The following INSRR variants were observed in gnomAD, a reference collection of about 807,000 sequenced individuals.
INSRR encodes insulin receptor related receptor, also known as insulin receptor-related protein.
A neutral mutation model predicts 130.0 loss-of-function variants in INSRR; 114 were observed. That is an observed-to-expected ratio of 0.88 (90% CI 0.75 to 1.02). INSRR has a LOEUF of 1.02. Ranked by LOEUF, INSRR falls within the 50% of genes least tolerant of loss-of-function variation. INSRR has a pLI of 0.00. For synonymous variants in INSRR, 674 were observed against 705.2 expected (o/e 0.96, Z 0.70); for missense variants, 1,657 against 1,735.2 (o/e 0.95, Z 0.80).
At position 156,845,669 on chromosome 1, in the gene INSRR, C is replaced by A. The variant is rs769385537; in HGVS notation, c.2124G>T (p.Ser708=). 1 of 1,610,578 alleles carries A rather than the reference C, an allele frequency of 6.2e-7. No homozygotes were observed. The highest frequency in any genetic ancestry group is 8.5e-7 in the Non-Finnish European group (1 of 1,178,954). ...GAAAGTTTTCAAACTTCTTCTGGAA[C>A]GAGGCCTCTTGCGCCTCCAGCGGGG... is the stretch of plus-strand genomic sequence containing the variant. ...VLPPLEAQEA[S]FQKKFENFLH... is the part of the protein sequence containing the mutation. The change falls in exon 10 of 22, where the codon TCG becomes TCT. Residue 708 remains serine (S), a synonymous_variant. Transcript: ENST00000368195.
Position 156,841,760 on chromosome 1 carries a change from G to A in INSRR, c.3432C>T (p.Asp1144=), listed in dbSNP as rs1390337736. The A allele has an allele frequency of 6.2e-7, 1 of 1,614,168 alleles. No homozygotes were observed. The highest frequency in any genetic ancestry group is 8.5e-7 in the Non-Finnish European group (1 of 1,180,018). Residue 1144 remains aspartate (D), a synonymous_variant, in exon 20 of 22, where the codon GAC becomes GAT. Transcript: ENST00000368195. ...FGMTRDVYET[D]YYRKGGKGLL... ...GCCCCTTCCCACCCTTGCGGTAATA[G>A]TCTGTCTCATACACGTCCCGAGTCA...
intron 12 of INSRR, 80 bp downstream of exon 12, chr1:156,844,996 G>A (rs762338844): frequency 9.3e-5 from 142 of 1,528,150 alleles, no homozygotes; most frequent in Non-Finnish European, 1.2e-4. Flanking sequence ...TGGGGTTAGC[G>A]AGAAGTCAAA....
At chr1:156,848,376 A>T (rs1258201712) in intron 7 of INSRR, among the ~76,000 whole-genome samples, 3 of 152,028 alleles carry the variant, frequency 2.0e-5, no homozygotes, top group Non-Finnish European at 2.9e-5. Flanking sequence ...CCCTCCTCTA[A>T]GGATATCTCC....
At chr1:156,847,211 AC>A (rs1362068972) in intron 7 of INSRR, among the ~76,000 whole-genome samples, 1 of 152,184 alleles carries the variant, frequency 6.6e-6, no homozygotes, top group Non-Finnish European at 1.5e-5. Context: ...AGCCTCCCAA[AC>A]TATAGCAAAG....
intron 1 of INSRR, among the ~76,000 whole-genome samples, chr1:156,857,910 T>C (rs1359162139): frequency 6.6e-6 from 1 of 152,164 alleles, no homozygotes; most frequent in African/African-American, 2.4e-5. Flanking sequence ...ATTTAGTCTA[T>C]ATAGTCCCCC....
At position 156,846,012 on chromosome 1, in the gene INSRR, C is replaced by T. The variant is rs573068016; in HGVS notation, c.1918G>A (p.Val640Met). The T allele has an allele frequency of 1.2e-6, 2 of 1,614,094 alleles. No homozygotes were observed. Among genetic ancestry groups the T allele is most frequent in the East Asian group, 4.5e-5 (2 of 44,860 alleles). ...TCCTCTGCCAGCCGCTGCCACAGCACCAGGTAGTAGGTGAGGTTCCCATTG... is the reference window on the plus strand; with the variant it reads ...TCCTCTGCCAGCCGCTGCCACAGCATCAGGTAGTAGGTGAGGTTCCCATTG... ...QRNGNLTYYL[V>M]LWQRLAEDGD... Residue 640 changes from valine (V) to methionine (M), a missense_variant, in exon 9 of 22, where the codon GTG (valine) becomes ATG (methionine). Transcript: ENST00000368195.
chr1:156,843,190 C>G lies in INSRR; in HGVS notation c.2940G>C (p.Ser980=), dbSNP rs761571325. Residue 980 remains serine, a synonymous_variant, in exon 17 of 22, where the codon TCG becomes TCC. Transcript: ENST00000368195. ...DEWEVPREQI[S]IIRELGQGSF... ...AGCCCTGGCCCAGTTCCCGGATTATCGAGATCTGCTCCCGAGGCACCTCCC... is the reference window on the plus strand; with the variant it reads ...AGCCCTGGCCCAGTTCCCGGATTATGGAGATCTGCTCCCGAGGCACCTCCC... 3.1e-6 allele frequency: 5 copies of G among 1,613,998 alleles called. No individual in the cohort carries two copies. In the African/African-American group the frequency reaches 5.3e-5, roughly 17 times the overall value.
At chr1:156,843,598 T>G in intron 15 of INSRR, 119 bp from the exon 16 acceptor site, 2 of 1,059,990 alleles carry the variant, frequency 1.9e-6, no homozygotes, top group Non-Finnish European at 2.9e-6. Context: ...ACCCCCAGCC[T>G]TGGTCAGGGT....
chr1:156,856,903 C>T lies in INSRR; in HGVS notation c.85+1634G>A, dbSNP rs114546158. Among the ~76,000 whole-genome samples, 1,284 of 152,272 alleles carry T rather than the reference C, an allele frequency of 8.4e-3. 24 individuals are homozygous for T. The highest frequency in any genetic ancestry group is 0.03 in the African/African-American group (1,233 of 41,558). On this transcript the variant is annotated intron_variant, in intron 1 of 21. Coordinates refer to ENST00000368195, the MANE Select transcript of INSRR (RefSeq NM_014215.3). ...CTCCCAAGAGGACCTTCCGTGGCTCCCCACTGCAGAAGATTCAAGTCTGAA... is the reference window on the plus strand; with the variant it reads ...CTCCCAAGAGGACCTTCCGTGGCTCTCCACTGCAGAAGATTCAAGTCTGAA...
At position 156,851,716 on chromosome 1, in the gene INSRR, G is replaced by A. The variant is rs778388141; in HGVS notation, c.1014C>T (p.Ile338=). ...AGCCCACAAGATCCTGTGCCGCCTG[G>A]ATGGAGTCGATGGTCTTGGTGCCTA... is the stretch of plus-strand genomic sequence containing the variant. ...CKVGTKTIDS[I]QAAQDLVGCT... The change falls in exon 4 of 22, where the codon ATC becomes ATT. Residue 338 remains isoleucine (I), a synonymous_variant. Transcript: ENST00000368195. 6.2e-7 allele frequency: 1 copy of A among 1,614,104 alleles called. No individual in the cohort carries two copies. Among genetic ancestry groups the A allele is most frequent in the African/African-American group, 1.3e-5 (1 of 74,936 alleles).
intron 7 of INSRR, among the ~76,000 whole-genome samples, 199 bp from the exon 8 acceptor site, chr1:156,846,956 G>C (rs746282989): frequency 3.9e-5 from 6 of 152,186 alleles, no homozygotes; most frequent in Non-Finnish European, 7.3e-5. Context: ...AGTGAAATTT[G>C]TAATGATATA....
rs1654739223 is a variant in INSRR, at chr1:156,840,664, C to T, written c.*209G>A. The T allele has an allele frequency of 1.7e-6, 1 of 597,542 alleles. No homozygotes were observed. The allele number at this position is 597,542 out of a possible 1,614,324, so 37.0% of individuals were successfully genotyped here. On this transcript the variant is annotated 3_prime_UTR_variant, in exon 22 of 22. Transcript: ENST00000368195. ...TCCTCTGGCTTTGACCCTGCTTGCT[C>T]TCCCCCGAGGGACTCAGAGTCTGAG... is the stretch of plus-strand genomic sequence containing the variant.
chr1:156,844,417 T>TA, intron 14 of INSRR, 45 bp downstream of exon 14: 1 of 1,597,284 alleles, frequency 6.3e-7, no homozygotes, highest in Non-Finnish European at 8.6e-7. Flanking sequence ...GGGGACCAGG[T>TA]AGGGCTGTTC....
intron 5 of INSRR, 53 bp from the exon 6 acceptor site, chr1:156,849,513 G>GGGGGC: frequency 1.9e-5 from 9 of 486,106 alleles, no homozygotes; most frequent in East Asian, 1.1e-4. Context: ...CAGGGGGTGG[G>GGGGGC]AAAGGGGATG....
chr1:156,844,690 G>C lies in INSRR; in HGVS notation c.2574+17C>G. 6.2e-7 allele frequency: 1 copy of C among 1,614,094 alleles called. No individual in the cohort carries two copies. Among genetic ancestry groups the C allele is most frequent in the South Asian group, 1.1e-5 (1 of 91,080 alleles). ...GGCACAAAACGGGGCTGGGACGGGGGTCCCACGGGCACCTACCTCTCCCAA... is the reference window on the plus strand; with the variant it reads ...GGCACAAAACGGGGCTGGGACGGGGCTCCCACGGGCACCTACCTCTCCCAA... On this transcript the variant is annotated intron_variant, in intron 13 of 21. Transcript: ENST00000368195.
chr1:156,850,565 T>TTTTG, intron 5 of INSRR, among the ~76,000 whole-genome samples: 1 of 132,516 alleles, frequency 7.5e-6, no homozygotes, highest in African/African-American at 3.1e-5. Flanking sequence ...TTTTTTTTTT[T>TTTTG]GAGATGGAGT....
chr1:156,849,564 G>T, intron 5 of INSRR, 104 bp from the exon 6 acceptor site: 1 of 811,946 alleles, frequency 1.2e-6, no homozygotes, highest in Non-Finnish European at 2.0e-6. Context: ...TGGGCCCGGG[G>T]AGAGGGGCAC....
chr1:156,857,207 G>A (rs1473630314), intron 1 of INSRR, among the ~76,000 whole-genome samples: 3 of 143,124 alleles, frequency 2.1e-5, no homozygotes, highest in African/African-American at 8.1e-5. Context: ...GTGTGTGTGT[G>A]TGTGTGTATG....
intron 7 of INSRR, among the ~76,000 whole-genome samples, chr1:156,847,441 G>C (rs2102861025): frequency 6.6e-6 from 1 of 152,296 alleles, no homozygotes; most frequent in East Asian, 1.9e-4. Context: ...GATGACAGTG[G>C]GCCCCCCATG....
Sources: gnomAD v4.1 joint callset for allele counts (sites outside exome capture counted in the v4.1 genomes callset) on GRCh38, gnomAD v4.1.1 for gene constraint, MANE v1.5 for transcripts, NCBI Gene and HGNC (gene_info 2026-07-23, HGNC 2026-07-21) for gene names.